Variants in FHIT observed in about 807,000 individuals in gnomAD.
FHIT encodes bis(5'-adenosyl)-triphosphatase.
In FHIT, 19 loss-of-function variants were observed where a neutral mutation model predicts 17.9. That is an observed-to-expected ratio of 1.06 (90% CI 0.74 to 1.56). FHIT has a LOEUF of 1.56. Ranked by LOEUF, FHIT falls within the 40% of genes most tolerant of loss-of-function variation. FHIT has a pLI of 0.00. For missense variants in FHIT, 248 were observed against 189.2 expected (o/e 1.31, Z -1.82); for synonymous variants, 81 against 69.7 (o/e 1.16, Z -0.81).
intron 5 of FHIT, among the ~76,000 whole-genome samples, chr3:60,414,280 C>T (rs781568831): frequency 1.5e-4 from 23 of 152,080 alleles, no homozygotes; most frequent in Non-Finnish European, 2.9e-4. Context: ...TAGTAAGTTC[C>T]CAGGTGATGC....
intron 5 of FHIT, among the ~76,000 whole-genome samples, chr3:60,024,664 T>G (rs1700671762): frequency 1.3e-5 from 2 of 151,734 alleles, no homozygotes; most frequent in Admixed American, 1.3e-4. Flanking sequence ...ACTGTGAAAA[T>G]ATAAGGGGTG....
intron 4 of FHIT, among the ~76,000 whole-genome samples, chr3:60,545,569 A>G (rs1230237467): frequency 6.6e-6 from 1 of 152,182 alleles, no homozygotes; most frequent in Non-Finnish European, 1.5e-5. Flanking sequence ...ACTCCGCTCT[A>G]AAACTTTGCT....
At chr3:60,524,156 T>A (rs1157809714) in intron 5 of FHIT, among the ~76,000 whole-genome samples, 1 of 150,038 alleles carries the variant, frequency 6.7e-6, no homozygotes, top group Non-Finnish European at 1.5e-5. Context: ...AACCTGAGAA[T>A]CATCCCTGCC....
intron 5 of FHIT, among the ~76,000 whole-genome samples, chr3:60,309,186 G>C (rs1708822155): frequency 6.6e-6 from 1 of 152,070 alleles, no homozygotes; most frequent in Non-Finnish European, 1.5e-5. Flanking sequence ...GCTTGCAGCG[G>C]AAGGTTTGGA....
At chr3:60,557,118 A>G (rs2036768140) in intron 4 of FHIT, among the ~76,000 whole-genome samples, 1 of 152,224 alleles carries the variant, frequency 6.6e-6, no homozygotes, top group Non-Finnish European at 1.5e-5. Flanking sequence ...TGCTTTATGT[A>G]AATATCTCAC....
At chr3:61,179,260 G>A (rs147930227) in intron 2 of FHIT, among the ~76,000 whole-genome samples, 71 of 151,646 alleles carry the variant, frequency 4.7e-4, no homozygotes, top group African/African-American at 1.6e-3. Context: ...TGCCCACCTC[G>A]GCCTCCCGAA....
intron 5 of FHIT, among the ~76,000 whole-genome samples, chr3:60,498,911 T>C (rs562528659): frequency 1.2e-4 from 18 of 152,336 alleles, no homozygotes; most frequent in African/African-American, 4.1e-4. Flanking sequence ...TGGTTGTTGC[T>C]GTAAAATGTT....
intron 8 of FHIT, among the ~76,000 whole-genome samples, chr3:59,812,123 C>T (rs910199520): frequency 3.9e-5 from 6 of 152,070 alleles, no homozygotes; most frequent in African/African-American, 1.2e-4. Flanking sequence ...ATGCTACTGG[C>T]ATCTAGTGAG....
chr3:60,552,641 GGTAA>G (rs746042688), intron 4 of FHIT, among the ~76,000 whole-genome samples: 11 of 152,174 alleles, frequency 7.2e-5, no homozygotes, highest in Admixed American at 2.0e-4. Context: ...TTGCCAACTT[GGTAA>G]GTATTTATAC....
intron 5 of FHIT, among the ~76,000 whole-genome samples, chr3:60,387,320 T>C (rs1701052591): frequency 1.3e-5 from 2 of 152,092 alleles, no homozygotes. Context: ...CCCACACTAA[T>C]CTGCATTCTC....
At chr3:60,375,853 C>T (rs58609490) in intron 5 of FHIT, among the ~76,000 whole-genome samples, 15,607 of 152,044 alleles carry the variant, frequency 0.1, 1,217 homozygotes, top group East Asian at 0.26. Context: ...CTCTCTACAA[C>T]GATAAAAATG....
chr3:60,877,789 C>A (rs1479195139), intron 3 of FHIT, among the ~76,000 whole-genome samples: 1 of 152,012 alleles, frequency 6.6e-6, no homozygotes, highest in Non-Finnish European at 1.5e-5. Context: ...GCTGGACTAG[C>A]CCACTAGAGT....
chr3:60,354,981 G>C (rs1699583845), intron 5 of FHIT, among the ~76,000 whole-genome samples: 1 of 152,098 alleles, frequency 6.6e-6, no homozygotes, highest in South Asian at 2.1e-4. Flanking sequence ...TTATCAATCA[G>C]TTATCTGTAA....
At chr3:60,086,992 T>C (rs1489347743) in intron 5 of FHIT, among the ~76,000 whole-genome samples, 1 of 152,222 alleles carries the variant, frequency 6.6e-6, no homozygotes, top group African/African-American at 2.4e-5. Context: ...TTCAGAGATC[T>C]ATGAGTCATC....
At chr3:60,720,136 A>G (rs1266784778) in intron 4 of FHIT, among the ~76,000 whole-genome samples, 1 of 152,148 alleles carries the variant, frequency 6.6e-6, no homozygotes. Context: ...CTGCTCCAGA[A>G]GCACTGGTAA....
chr3:60,070,281 A>T (rs1702707817), intron 5 of FHIT, among the ~76,000 whole-genome samples: 1 of 152,184 alleles, frequency 6.6e-6, no homozygotes, highest in Non-Finnish European at 1.5e-5. Flanking sequence ...GGAGGTGTGG[A>T]CCATGTCTGT....
Position 59,863,312 on chromosome 3 carries a change from A to G in FHIT, c.348+59034T>C, listed in dbSNP as rs187972722. Among the ~76,000 whole-genome samples, 252 of 152,334 alleles carry G rather than the reference A, an allele frequency of 1.7e-3. 2 individuals carry two copies. Among genetic ancestry groups the G allele is most frequent in the Non-Finnish European group, 2.3e-3 (158 of 68,036 alleles). Reference sequence around the variant, plus strand: ...CCAGTGCTCACTGATGTCCCAAATAACAAGTCCTCTAAATTATTGGTGGTT... The same window carrying G: ...CCAGTGCTCACTGATGTCCCAAATAGCAAGTCCTCTAAATTATTGGTGGTT... On this transcript the variant is annotated intron_variant, in intron 8 of 9. Transcript: ENST00000492590.
chr3:60,040,870 G>C (rs184004507), intron 5 of FHIT, among the ~76,000 whole-genome samples: 20 of 152,080 alleles, frequency 1.3e-4, no homozygotes, highest in Middle Eastern at 6.8e-3. Flanking sequence ...ATTAACATGG[G>C]GTGGCTGATC....
At chr3:60,521,340 C>T (rs570874679) in intron 5 of FHIT, among the ~76,000 whole-genome samples, 13 of 152,172 alleles carry the variant, frequency 8.5e-5, no homozygotes, top group African/African-American at 2.2e-4. Flanking sequence ...CTCCGCCTCC[C>T]AGATTCACGC....
Sources: gnomAD v4.1 joint callset for allele counts (sites outside exome capture counted in the v4.1 genomes callset) on GRCh38, gnomAD v4.1.1 for gene constraint, MANE v1.5 for transcripts, NCBI Gene and HGNC (gene_info 2026-07-23, HGNC 2026-07-21) for gene names.